GNE: variants seen among roughly 807,000 people sequenced by gnomAD.
The protein encoded by GNE is glucosamine (UDP-N-acetyl)-2-epimerase/N-acetylmannosamine kinase, also known as bifunctional UDP-N-acetylglucosamine 2-epimerase/N-acetylmannosamine kinase.
A neutral mutation model predicts 61.8 loss-of-function variants in GNE; 41 were observed. The observed-to-expected ratio is 0.66, with a 90% CI of 0.52 to 0.86. The LOEUF (loss-of-function observed/expected upper bound fraction) is 0.86, where lower values mean the gene tolerates loss of function less well. Ranked by LOEUF, GNE falls within the 40% of genes least tolerant of loss-of-function variation. GNE has a pLI of 0.00. For synonymous variants in GNE, 264 were observed against 326.4 expected, an observed-to-expected ratio of 0.81 and a Z score of 2.06; for missense variants, 608 against 909.1, an observed-to-expected ratio of 0.67 and a Z score of 4.26.
upstream of GNE, among the ~76,000 whole-genome samples, chr9:36,260,016 G>A (rs926634950): frequency 2.6e-5 from 4 of 152,114 alleles, no homozygotes; most frequent in African/African-American, 9.7e-5. Context: ...ATTGGTAGCA[G>A]TGAAACTCAA....
intron 2 of GNE, among the ~76,000 whole-genome samples, chr9:36,248,408 G>A (rs1449831126): frequency 1.3e-5 from 2 of 151,146 alleles, no homozygotes; most frequent in Admixed American, 1.3e-4. Context: ...TCCGCCTCCC[G>A]GGTTCAAGTG....
chr9:36,214,802 C>A lies in GNE; in HGVS notation c.*2563G>T, dbSNP rs1467094610. 3 of 152,180 alleles carry A rather than the reference C, an allele frequency of 2.0e-5. No individual in the cohort carries two copies. The highest frequency in any genetic ancestry group is 7.2e-5 in the African/African-American group (3 of 41,440). The allele number at this position is 152,180 out of a possible 1,614,324, so 9.4% of individuals were successfully genotyped here. A position where few individuals can be genotyped will look rare whatever the true frequency, so the allele number is the denominator to read the frequency against. On this transcript the variant is annotated 3_prime_UTR_variant, in exon 12 of 12. Transcript: ENST00000642385. ...CAGGAATCACCATGGAATGTCTGAA[C>A]AATAACCAGGCCCTGGAGATTACTG...
chr9:36,249,451 A>C (rs1830030572), intron 1 of GNE, 54 bp from the exon 2 acceptor site: 1 of 1,118,966 alleles, frequency 8.9e-7, no homozygotes, highest in Non-Finnish European at 1.3e-6. Context: ...AGATATAACT[A>C]AACTTTAAAC....
rs1269598822 is a variant in GNE at position 36,214,476 on chromosome 9, A to AC, written c.*2888_*2889insG. ...GAAATGTATTTATTTTTTCTTTAGAATTTGGCTCAGAACAGTAACAAAAAT... is the reference window on the plus strand; with the variant it reads ...GAAATGTATTTATTTTTTCTTTAGAACTTTGGCTCAGAACAGTAACAAAAAT... On this transcript the variant is annotated 3_prime_UTR_variant, in exon 12 of 12. Transcript: ENST00000642385. The AC allele has an allele frequency of 1.3e-5, 2 of 152,230 alleles. No individual in the cohort carries two copies. The highest frequency in any genetic ancestry group is 4.8e-5 in the African/African-American group (2 of 41,460). 9.4% of individuals were successfully genotyped at this position (152,230 alleles called of 1,614,324 possible).
In GNE at chr9:36,246,118, G is replaced by T. The variant is rs539332585; in HGVS notation, c.529C>A (p.Arg177Ser). 6.2e-7 allele frequency: 1 copy of T among 1,614,040 alleles called. No homozygotes were observed. Among genetic ancestry groups the T allele is most frequent in the African/African-American group, 1.3e-5 (1 of 74,942 alleles). ...GAAGGGCAGCCTGCCAAAAGGATGC[G>T]ATCATGGTCCTCACACATGGATATC... Reference protein sequence around the residue: ...HLISMCEDHDRILLAGCPSYD... With the variant: ...HLISMCEDHDSILLAGCPSYD... The change falls in exon 3 of 12, where the codon CGC becomes AGC. Residue 177 changes from arginine (R) to serine (S), a missense_variant. By Grantham distance (110) the Arg-to-Ser change is moderately radical. Transcript: ENST00000642385.
intron 1 of GNE, among the ~76,000 whole-genome samples, chr9:36,272,626 A>G (rs1221593779): frequency 1.4e-5 from 2 of 146,558 alleles, no homozygotes; most frequent in Non-Finnish European, 3.0e-5. Context: ...GCCTCAAAAA[A>G]AAAAAAAAAA....
At position 36,216,259 on chromosome 9, in the gene GNE, T is replaced by G. The variant is rs1233666039; in HGVS notation, c.*1106A>C. 2.2e-6 allele frequency: 1 copy of G among 455,572 alleles called. No individual in the cohort carries two copies. Among genetic ancestry groups the G allele is most frequent in the Admixed American group, 2.4e-5 (1 of 42,526 alleles). The allele number at this position is 455,572 out of a possible 1,614,324, so 28.2% of individuals were successfully genotyped here. On this transcript the variant is annotated 3_prime_UTR_variant, in exon 12 of 12. Transcript: ENST00000642385. ...AAAAGTGTACTTAAGCCCTTCCTGG[T>G]AAGATTTCCCTCTGTTCTCTGACTG...
intron 2 of GNE, among the ~76,000 whole-genome samples, chr9:36,247,169 G>T (rs913106003): frequency 6.6e-6 from 1 of 152,006 alleles, no homozygotes; most frequent in African/African-American, 2.4e-5. Context: ...CGATTCTCCT[G>T]CCTCAGCCTC....
intron 6 of GNE, among the ~76,000 whole-genome samples, chr9:36,228,567 C>T (rs35346335): frequency 3.3e-5 from 5 of 151,472 alleles, no homozygotes; most frequent in African/African-American, 1.2e-4. Flanking sequence ...CTGAGGCAGG[C>T]GGATCACCTG....
At chr9:36,236,560 G>A (rs1477143473) in intron 4 of GNE, among the ~76,000 whole-genome samples, 1 of 152,180 alleles carries the variant, frequency 6.6e-6, no homozygotes, top group Admixed American at 6.5e-5. Flanking sequence ...TTAACTGGTG[G>A]AAACTGGAGG....
intron 1 of GNE, chr9:36,265,311 C>T: frequency 2.3e-6 from 1 of 441,640 alleles, no homozygotes; most frequent in Non-Finnish European, 4.6e-6. Flanking sequence ...AACCCCAGGT[C>T]AGAGAACGAG....
In GNE at chr9:36,230,765, A is replaced by C. The variant is rs1175001143; in HGVS notation, c.983-1657T>G. ...AGTTCCGCCTCCTGGGTTCACGCTA[A>C]AATTTTTTTGCAGAGATAAAATATC... is the stretch of plus-strand genomic sequence containing the variant. On this transcript the variant is annotated intron_variant, in intron 5 of 11. Coordinates refer to ENST00000642385, the MANE Select transcript of GNE (RefSeq NM_005476.7). Among the ~76,000 whole-genome samples, 4 of 151,740 alleles carry C rather than the reference A, an allele frequency of 2.6e-5. No individual in the cohort carries two copies. In the East Asian group the frequency reaches 7.7e-4, roughly 29 times the overall value.
intron 1 of GNE, among the ~76,000 whole-genome samples, chr9:36,257,573 G>A (rs1245654076): frequency 2.0e-5 from 3 of 151,868 alleles, no homozygotes; most frequent in Admixed American, 2.0e-4. Context: ...GGAGGCCGAG[G>A]TGGGCGGATC....
chr9:36,233,095 A>G (rs910328600), intron 5 of GNE, among the ~76,000 whole-genome samples: 2 of 152,322 alleles, frequency 1.3e-5, no homozygotes, highest in Non-Finnish European at 1.5e-5. Flanking sequence ...TCCTTTAATG[A>G]TACACACTTT....
chr9:36,226,200 T>C (rs1171400314), intron 7 of GNE, among the ~76,000 whole-genome samples: 1 of 152,162 alleles, frequency 6.6e-6, no homozygotes, highest in Non-Finnish European at 1.5e-5. Context: ...TGAGATGGAG[T>C]CTCACTCTGT....
At chr9:36,239,184 T>G (rs1328063477) in intron 3 of GNE, among the ~76,000 whole-genome samples, 1 of 152,204 alleles carries the variant, frequency 6.6e-6, no homozygotes, top group Non-Finnish European at 1.5e-5. Flanking sequence ...AGATTTGTTC[T>G]TTTTGCTTAC....
chr9:36,246,749 A>C (rs1829897203), intron 2 of GNE, among the ~76,000 whole-genome samples: 1 of 149,510 alleles, frequency 6.7e-6, no homozygotes, highest in Non-Finnish European at 1.5e-5. Context: ...GCTCACTGCA[A>C]CTTCTGCCTC....
chr9:36,229,137 G>A, intron 5 of GNE, 29 bp from the exon 6 acceptor site: 1 of 1,218,262 alleles, frequency 8.2e-7, no homozygotes, highest in Non-Finnish European at 1.2e-6. Context: ...ACATTACAAG[G>A]ATTTGGAAGT....
Position 36,246,008 on chromosome 9 carries a change from T to C in GNE, c.616+23A>G, listed in dbSNP as rs200778891. 1.5e-4 allele frequency: 232 copies of C among 1,574,274 alleles called. No individual in the cohort carries two copies. In the African/African-American group the frequency reaches 2.8e-3, roughly 19 times the overall value. On this transcript the variant is annotated intron_variant, in intron 3 of 11. Transcript: ENST00000642385. ...TTTCTGACAAAAACAGCCATTAGAC[T>C]GACTAAAGTCTGAGATACGTACCTA...
Sources: allele counts gnomAD v4.1 joint callset (sites outside exome capture counted in the v4.1 genomes callset), GRCh38; gene constraint gnomAD v4.1.1; transcripts MANE v1.5; gene names NCBI Gene and HGNC (gene_info 2026-07-23, HGNC 2026-07-21).